SNX8: variants seen among roughly 807,000 people sequenced by gnomAD.
The protein encoded by SNX8 is sorting nexin 8.
Under a neutral mutation model 51.6 loss-of-function variants are expected in SNX8, and 25 were observed. That is an observed-to-expected ratio of 0.48 (90% CI 0.35 to 0.68). The LOEUF is 0.68. Ranked by LOEUF, SNX8 falls within the 30% of genes least tolerant of loss-of-function variation. The pLI is 0.00. For missense variants in SNX8, 695 were observed against 624.0 expected, an observed-to-expected ratio of 1.11 and a Z score of -1.21; for synonymous variants, 324 against 277.0, an observed-to-expected ratio of 1.17 and a Z score of -1.68.
rs372604315 is a variant in SNX8, at chr7:2,332,513, G to A, written c.-66+21709C>T. ...CTGACGCCTGTGATCCAGCACCTAGGAAGGTCGAAGTAGGAGTATCACTTG... is the reference window on the plus strand; with the variant it reads ...CTGACGCCTGTGATCCAGCACCTAGAAAGGTCGAAGTAGGAGTATCACTTG... On this transcript the variant is annotated intron_variant, in intron 1 of 5. Coordinates refer to the SNX8 transcript ENST00000435336. 4.6e-5 allele frequency among the ~76,000 whole-genome samples: 7 copies of A among 152,208 alleles called. 1 individual carries two copies. The South Asian group carries it at 1.2e-3, about 27-fold the overall frequency.
intron 1 of SNX8, among the ~76,000 whole-genome samples, chr7:2,282,379 C>A (rs146833332): frequency 1.7e-3 from 264 of 152,234 alleles, no homozygotes; most frequent in African/African-American, 5.8e-3. Flanking sequence ...ACCAGGCATG[C>A]GGTGAGGGGC....
intron 1 of SNX8, among the ~76,000 whole-genome samples, chr7:2,302,623 CT>C (rs1796425673): frequency 6.6e-6 from 1 of 151,858 alleles, no homozygotes. Context: ...TGAGGAGCGT[CT>C]CTGCCCAGCT....
At position 2,331,463 on chromosome 7, in the gene SNX8, T is replaced by G. The variant is rs940472411; in HGVS notation, c.-66+22759A>C. Reference sequence around the variant, plus strand: ...GGCTCATGCCTGTAATCCCAGCACTTTAGGAGGTCAAGAGGGCAGATCACG... The same window carrying G: ...GGCTCATGCCTGTAATCCCAGCACTGTAGGAGGTCAAGAGGGCAGATCACG... On this transcript the variant is annotated intron_variant, in intron 1 of 5. Transcript: ENST00000435336. 3.3e-5 allele frequency among the ~76,000 whole-genome samples: 5 copies of G among 151,808 alleles called. 1 individual carries two copies. The East Asian group carries it at 9.7e-4, about 29-fold the overall frequency.
At chr7:2,350,570 A>G (rs1779117569) in intron 1 of SNX8, among the ~76,000 whole-genome samples, 1 of 152,180 alleles carries the variant, frequency 6.6e-6, no homozygotes, top group African/African-American at 2.4e-5. Flanking sequence ...TTGGGAGGCC[A>G]ACGCAGAAGG....
chr7:2,314,837 C>T (rs950159982), upstream of SNX8, among the ~76,000 whole-genome samples: 1 of 152,236 alleles, frequency 6.6e-6, no homozygotes, highest in Admixed American at 6.5e-5. Context: ...TTCATCCACT[C>T]ACCCACTCAT....
At chr7:2,321,509 C>T (rs1178700802) in intron 1 of SNX8, among the ~76,000 whole-genome samples, 2 of 150,048 alleles carry the variant, frequency 1.3e-5, no homozygotes, top group South Asian at 2.1e-4. Context: ...TCACTGCAAG[C>T]TCCTCCTCCC....
intron 1 of SNX8, among the ~76,000 whole-genome samples, chr7:2,313,877 A>G (rs1274149459): frequency 6.6e-6 from 1 of 152,196 alleles, no homozygotes; most frequent in Admixed American, 6.5e-5. Flanking sequence ...AGACCACACA[A>G]CCGACAGGAG....
At chr7:2,334,389 C>T (rs1380393551) in intron 1 of SNX8, among the ~76,000 whole-genome samples, 1 of 143,234 alleles carries the variant, frequency 7.0e-6, no homozygotes, top group East Asian at 2.1e-4. Flanking sequence ...GGTGACGGAG[C>T]GAGACTCCAT....
At chr7:2,300,307 C>T (rs1235345675) in intron 1 of SNX8, among the ~76,000 whole-genome samples, 1 of 152,184 alleles carries the variant, frequency 6.6e-6, no homozygotes, top group Non-Finnish European at 1.5e-5. Flanking sequence ...TTTTTCAGAG[C>T]TGACAATTCA....
chr7:2,331,184 CAAAAA>C (rs71023397), intron 1 of SNX8, among the ~76,000 whole-genome samples: 1 of 76,726 alleles, frequency 1.3e-5, no homozygotes. Flanking sequence ...GACTCTGTCT[CAAAAA>C]AAAAAAAAAA....
At chr7:2,262,064 G>T (rs749515182) in intron 7 of SNX8, among the ~76,000 whole-genome samples, 1 of 152,190 alleles carries the variant, frequency 6.6e-6, no homozygotes, top group African/African-American at 2.4e-5. Context: ...TTGAGACAGG[G>T]TCTCGCTCTG....
rs71023397 is a variant in SNX8, at chr7:2,331,184, C to CAA, written c.-66+23036_-66+23037dup. 3.4e-3 allele frequency among the ~76,000 whole-genome samples: 257 copies of CAA among 76,314 alleles called. 1 individual carries two copies. Among genetic ancestry groups the CAA allele is most frequent in the Middle Eastern group, 0.023 (3 of 128 alleles). 50.1% of individuals were successfully genotyped at this position (76,314 alleles called of 152,430 possible). A position where few individuals can be genotyped will look rare whatever the true frequency, so the allele number is the denominator to read the frequency against. ...CTGGCGACAGAGCGAGACTCTGTCT[C>CAA]AAAAAAAAAAAAAAAAAAAGAAAGA... On this transcript the variant is annotated intron_variant, in intron 1 of 5. Transcript: ENST00000435336.
At chr7:2,326,405 C>T (rs1330844289) in intron 1 of SNX8, among the ~76,000 whole-genome samples, 2 of 152,048 alleles carry the variant, frequency 1.3e-5, no homozygotes, top group South Asian at 2.1e-4. Flanking sequence ...GTGGCTCACG[C>T]CTGTAATCCC....
Position 2,339,621 on chromosome 7 carries a change from AT to A in SNX8, c.-66+14600del, listed in dbSNP as rs545964757. Among the ~76,000 whole-genome samples, 540 of 152,048 alleles carry A rather than the reference AT, an allele frequency of 3.6e-3. 2 individuals are homozygous for A. The highest frequency in any genetic ancestry group is 0.012 in the African/African-American group (499 of 41,530). On this transcript the variant is annotated intron_variant, in intron 1 of 5. Transcript: ENST00000435336. ...GATGTATAAAATTAATGTAATTTCC[AT>A]TTTTTTTGAAATCTCATCAGGAAAT...
chr7:2,346,125 A>G (rs569387371), intron 1 of SNX8, among the ~76,000 whole-genome samples: 15 of 152,228 alleles, frequency 9.9e-5, no homozygotes, highest in Non-Finnish European at 2.1e-4. Flanking sequence ...ATAATAGCAT[A>G]TGGGTCTACT....
chr7:2,302,433 G>A (rs557137150), intron 1 of SNX8, among the ~76,000 whole-genome samples: 6 of 152,342 alleles, frequency 3.9e-5, no homozygotes, highest in African/African-American at 7.2e-5. Context: ...GAGTGCAGTG[G>A]TGTGATCTCG....
chr7:2,318,457 G>A (rs1398660176), upstream of SNX8, among the ~76,000 whole-genome samples: 2 of 149,712 alleles, frequency 1.3e-5, no homozygotes, highest in Admixed American at 1.3e-4. Context: ...CCGGGAGGCA[G>A]AGCTTGCAGT....
chr7:2,308,552 CA>C (rs1796595976), intron 1 of SNX8, among the ~76,000 whole-genome samples: 1 of 150,616 alleles, frequency 6.6e-6, no homozygotes, highest in Non-Finnish European at 1.5e-5. Flanking sequence ...CCTGTAATCC[CA>C]ACTACGGGGG....
rs572165054 is a variant in SNX8, at chr7:2,342,568, T to C, written c.-66+11654A>G. On this transcript the variant is annotated intron_variant, in intron 1 of 5. Coordinates refer to the SNX8 transcript ENST00000435336. The stretch of plus-strand genomic sequence containing the variant: ...TACTTGGGAGCCTGAAGCAGGAGAA[T>C]TGCTTAACTCAGGAGGCAGAGGTTG... Among the ~76,000 whole-genome samples the C allele has an allele frequency of 1.3e-4, 20 of 150,394 alleles. No homozygotes were observed. The South Asian group carries it at 2.9e-3, about 22-fold the overall frequency.
Sources: allele counts gnomAD v4.1 joint callset (sites outside exome capture counted in the v4.1 genomes callset), GRCh38; gene constraint gnomAD v4.1.1; transcripts MANE v1.5; gene names NCBI Gene and HGNC (gene_info 2026-07-23, HGNC 2026-07-21).